ADGRG2: variants seen among roughly 807,000 people sequenced by gnomAD.
ADGRG2 encodes G protein-coupled receptor 64.
ADGRG2 carries 26 observed loss-of-function variants against 74.1 expected under a neutral mutation model. The ratio of observed to expected loss-of-function variants is 0.35; its 90% CI spans 0.26 to 0.49. The LOEUF (loss-of-function observed/expected upper bound fraction) is 0.49. ADGRG2 is among the 20% of genes least tolerant of loss of function. ADGRG2 has a pLI of 0.99. For synonymous variants in ADGRG2, 296 were observed against 295.2 expected, an observed-to-expected ratio of 1.00 and a Z score of -0.03; for missense variants, 619 against 763.1, an observed-to-expected ratio of 0.81 and a Z score of 2.22.
At chrX:19,023,852 C>T in intron 12 of ADGRG2, 57 bp downstream of exon 12, 2 of 825,485 alleles carry the variant, frequency 2.4e-6, no homozygotes, top group Non-Finnish European at 1.8e-6. Context: ...GAACCCTATG[C>T]TTTCCCCCAG....
Position 18,996,164 on chromosome X carries a change from A to G in ADGRG2, c.2615-12T>C. 1 of 840,447 alleles carries G rather than the reference A, an allele frequency of 1.2e-6. No individual in the cohort carries two copies. Among genetic ancestry groups the G allele is most frequent in the Admixed American group, 2.3e-5 (1 of 43,955 alleles). 69.3% of individuals were successfully genotyped at this position (840,447 alleles called of 1,213,427 possible). A position where few individuals can be genotyped will look rare whatever the true frequency, so the allele number is the denominator to read the frequency against. Reference sequence around the variant, plus strand: ...GAATATGAAAAATCCTAAGGAGGGAAAAAAAACCCACAATGAATTCCAAGC... The same window carrying G: ...GAATATGAAAAATCCTAAGGAGGGAGAAAAAACCCACAATGAATTCCAAGC... On this transcript the variant is annotated splice_polypyrimidine_tract_variant and intron_variant, in intron 26 of 28. Coordinates refer to ENST00000379869, the MANE Select transcript of ADGRG2 (RefSeq NM_001079858.3).
intron 1 of ADGRG2, among the ~76,000 whole-genome samples, chrX:19,121,761 G>C (rs1236858970): frequency 9.0e-6 from 1 of 110,922 alleles, no homozygotes; most frequent in Non-Finnish European, 1.9e-5. Context: ...CGGAAAACCT[G>C]TCCCCTGCTT....
chrX:19,103,458 ACGGAGCAAACATT>A (rs1462907465), intron 1 of ADGRG2, among the ~76,000 whole-genome samples: 7 of 111,862 alleles, frequency 6.3e-5, no homozygotes, highest in Non-Finnish European at 1.1e-4. Context: ...TGCTCTGCCT[ACGGAGCAAACATT>A]CTTTATTCCT....
rs2059991290 is a variant in ADGRG2, at chrX:18,994,990, G to A, written c.2775C>T (p.Ser925=). 8.3e-7 allele frequency: 1 copy of A among 1,197,768 alleles called. No homozygotes were observed. Among genetic ancestry groups the A allele is most frequent in the Non-Finnish European group, 1.1e-6 (1 of 884,220 alleles). ...LKKQTVNQGV[S]SSSNSLQSSS... is the part of the protein sequence containing the mutation. Reference sequence around the variant, plus strand: ...TTGACTGTAAGGAATTTGAAGAGCTGGACACTCCTTGGTTTACAGTCTGCT... The same window carrying A: ...TTGACTGTAAGGAATTTGAAGAGCTAGACACTCCTTGGTTTACAGTCTGCT... Residue 925 remains serine, a synonymous_variant, in exon 28 of 29, where the codon TCC becomes TCT. Transcript: ENST00000379869.
intron 3 of ADGRG2, among the ~76,000 whole-genome samples, chrX:19,044,833 G>A (rs1459019395): frequency 8.9e-6 from 1 of 111,787 alleles, no homozygotes; most frequent in Non-Finnish European, 1.9e-5. Flanking sequence ...AACAGGAATA[G>A]CAAAAACTGA....
At chrX:19,037,543 T>C in intron 5 of ADGRG2, 46 bp downstream of exon 5, 1 of 1,150,208 alleles carries the variant, frequency 8.7e-7, no homozygotes, top group Non-Finnish European at 1.2e-6. Context: ...AACAAAACTT[T>C]AACAAATTGG....
intron 3 of ADGRG2, among the ~76,000 whole-genome samples, chrX:19,061,743 G>T (rs1026698543): frequency 8.9e-6 from 1 of 112,118 alleles, no homozygotes; most frequent in Non-Finnish European, 1.9e-5. Context: ...CCAATGACTT[G>T]TGAATAAATG....
At chrX:19,014,153 A>C in intron 15 of ADGRG2, 79 bp from the exon 16 acceptor site, 2 of 782,802 alleles carry the variant, frequency 2.6e-6, no homozygotes, top group Non-Finnish European at 3.6e-6. Context: ...TCTGGCAATC[A>C]TCTGACACCG....
chrX:19,113,102 G>A (rs942261883), intron 1 of ADGRG2, among the ~76,000 whole-genome samples: 2 of 109,097 alleles, frequency 1.8e-5, no homozygotes, highest in African/African-American at 6.7e-5. Flanking sequence ...AAACCTGCCG[G>A]TGCGGTGGCT....
intron 3 of ADGRG2, among the ~76,000 whole-genome samples, chrX:19,051,326 G>A (rs917923942): frequency 1.8e-5 from 2 of 110,777 alleles, no homozygotes; most frequent in African/African-American, 6.6e-5. Flanking sequence ...AGCCCGCCTC[G>A]GCCTTCCAAA....
At chrX:19,084,924 T>C (rs958932161) in intron 1 of ADGRG2, among the ~76,000 whole-genome samples, 2 of 112,591 alleles carry the variant, frequency 1.8e-5, no homozygotes, top group Non-Finnish European at 3.7e-5. Context: ...GGAGAGCATG[T>C]GGGGAAATAA....
At chrX:19,009,297 C>A (rs972189809) in intron 18 of ADGRG2, among the ~76,000 whole-genome samples, 5 of 110,187 alleles carry the variant, frequency 4.5e-5, no homozygotes, top group Non-Finnish European at 9.5e-5. Flanking sequence ...CCTGCCTCAG[C>A]CTCCTGAGTA....
intron 26 of ADGRG2, among the ~76,000 whole-genome samples, chrX:18,997,444 T>C (rs943707164): frequency 8.9e-6 from 1 of 112,219 alleles, no homozygotes; most frequent in Non-Finnish European, 1.9e-5. Context: ...TTCATGTCAA[T>C]GATTAGTGTA....
intron 2 of ADGRG2, among the ~76,000 whole-genome samples, chrX:19,082,238 G>A (rs973528855): frequency 8.1e-5 from 9 of 111,332 alleles, no homozygotes; most frequent in Non-Finnish European, 1.5e-4. Flanking sequence ...CATTTGCACA[G>A]CACTTAGGTC....
chrX:19,004,932 G>C, intron 22 of ADGRG2, 53 bp from the exon 23 acceptor site: 2 of 958,566 alleles, frequency 2.1e-6, no homozygotes, highest in South Asian at 4.9e-5. Flanking sequence ...ATAAATACAA[G>C]ACTTATGATG....
intron 22 of ADGRG2, among the ~76,000 whole-genome samples, chrX:19,005,598 G>C (rs970449199): frequency 3.0e-5 from 3 of 101,588 alleles, no homozygotes; most frequent in African/African-American, 1.1e-4. Context: ...CTGTTGCCCA[G>C]ACTGGAGTAC....
chrX:19,024,578 T>C (rs951706417), intron 11 of ADGRG2, among the ~76,000 whole-genome samples: 3 of 112,163 alleles, frequency 2.7e-5, no homozygotes, highest in African/African-American at 9.7e-5. Context: ...CTCCAGGGGA[T>C]ATTTGGCCAT....
chrX:19,071,579 T>C (rs958806060), intron 2 of ADGRG2, among the ~76,000 whole-genome samples: 1 of 111,125 alleles, frequency 9.0e-6, no homozygotes, highest in Admixed American at 9.6e-5. Context: ...AAAAAACTAA[T>C]TGATGTGGTG....
chrX:19,061,779 C>G (rs1446345739), intron 3 of ADGRG2, among the ~76,000 whole-genome samples: 1 of 112,227 alleles, frequency 8.9e-6, no homozygotes, highest in Non-Finnish European at 1.9e-5. Context: ...CCCTCCTTTT[C>G]TTTCTGGTAG....
Sources: gnomAD v4.1 joint callset for allele counts (sites outside exome capture counted in the v4.1 genomes callset) on GRCh38, gnomAD v4.1.1 for gene constraint, MANE v1.5 for transcripts, NCBI Gene and HGNC (gene_info 2026-07-23, HGNC 2026-07-21) for gene names.